Variants in KCNN2 observed in about 807,000 individuals in gnomAD.
The protein encoded by KCNN2 is potassium calcium-activated channel subfamily N member 2, also known as small conductance calcium-activated potassium channel protein 2.
A neutral mutation model predicts 55.5 loss-of-function variants in KCNN2; 24 were observed. The observed-to-expected ratio is 0.43, with a 90% CI of 0.31 to 0.61. The LOEUF (loss-of-function observed/expected upper bound fraction) is 0.61. Among genes scored for constraint, KCNN2 ranks in the 20% least tolerant of loss-of-function variants. KCNN2 has a pLI of 0.08. For synonymous variants in KCNN2, 431 were observed against 336.1 expected (o/e 1.28, Z -3.09); for missense variants, 754 against 853.6 (o/e 0.88, Z 1.45).
At chr5:114,323,649 A>ATATTTTTTTTTTTTTTTTTT (rs1756655960) in intron 2 of KCNN2, among the ~76,000 whole-genome samples, 5 of 85,318 alleles carry the variant, frequency 5.9e-5, no homozygotes, top group Non-Finnish European at 1.1e-4. Flanking sequence ...AAACATATCA[A>ATATTTTTTTTTTTTTTTTTT]TTTTTTTTTT....
chr5:114,390,913 G>A (rs563139096), intron 2 of KCNN2, among the ~76,000 whole-genome samples: 1 of 152,164 alleles, frequency 6.6e-6, no homozygotes, highest in African/African-American at 2.4e-5. Flanking sequence ...GTGCGGGCCT[G>A]GTGGTAAGAA....
chr5:114,347,516 T>A (rs1453687400), intron 2 of KCNN2, among the ~76,000 whole-genome samples: 1 of 152,108 alleles, frequency 6.6e-6, no homozygotes, highest in African/African-American at 2.4e-5. Context: ...GAAATATGAG[T>A]TCTTCATCAC....
At chr5:114,360,261 A>G (rs548535842), upstream of KCNN2, among the ~76,000 whole-genome samples, 19 of 152,194 alleles carry the variant, frequency 1.2e-4, no homozygotes, top group Admixed American at 5.2e-4. Flanking sequence ...AAAGAACATC[A>G]TAAAATGAAT....
At chr5:114,219,344 GTCTGGTA>G (rs1484418237) in intron 1 of KCNN2, among the ~76,000 whole-genome samples, 1 of 152,178 alleles carries the variant, frequency 6.6e-6, no homozygotes, top group Admixed American at 6.5e-5. Context: ...CCAAGCTCTT[GTCTGGTA>G]TCCAGGAAAA....
intron 2 of KCNN2, among the ~76,000 whole-genome samples, chr5:114,320,853 T>C (rs1204202970): frequency 6.6e-5 from 10 of 152,196 alleles, no homozygotes; most frequent in Non-Finnish European, 1.5e-4. Flanking sequence ...TTTTCAGTTC[T>C]TTTAACTGTC....
At chr5:114,195,313 A>T (rs1753531416) in intron 1 of KCNN2, among the ~76,000 whole-genome samples, 1 of 151,828 alleles carries the variant, frequency 6.6e-6, no homozygotes, top group Non-Finnish European at 1.5e-5. Context: ...TATTTTCTGA[A>T]CCATGGATGT....
chr5:114,475,844 C>CA (rs1761940457), intron 5 of KCNN2, among the ~76,000 whole-genome samples: 1 of 152,086 alleles, frequency 6.6e-6, no homozygotes, highest in Non-Finnish European at 1.5e-5. Flanking sequence ...CCCAAACTGA[C>CA]AAAGTTTTCT....
chr5:114,471,032 A>T (rs1761709814), intron 4 of KCNN2, among the ~76,000 whole-genome samples: 1 of 152,208 alleles, frequency 6.6e-6, no homozygotes, highest in Non-Finnish European at 1.5e-5. Context: ...GATTATTTTG[A>T]TAATCATATT....
chr5:114,113,188 G>T (rs1244742266), intron 1 of KCNN2, among the ~76,000 whole-genome samples: 1 of 151,996 alleles, frequency 6.6e-6, no homozygotes, highest in Non-Finnish European at 1.5e-5. Flanking sequence ...TGTCGAATGA[G>T]TCTGGAGTTC....
intron 2 of KCNN2, among the ~76,000 whole-genome samples, chr5:114,337,831 G>A (rs1434309930): frequency 1.3e-5 from 2 of 152,048 alleles, no homozygotes; most frequent in Non-Finnish European, 2.9e-5. Flanking sequence ...GTCTTTCTGG[G>A]ACAAATAATC....
intron 5 of KCNN2, among the ~76,000 whole-genome samples, chr5:114,479,435 A>C (rs1762122894): frequency 6.6e-6 from 1 of 152,208 alleles, no homozygotes; most frequent in South Asian, 2.1e-4. Flanking sequence ...ACCTACAAAG[A>C]GACATTGACT....
intron 2 of KCNN2, among the ~76,000 whole-genome samples, chr5:114,291,333 T>G (rs926659312): frequency 6.6e-6 from 1 of 152,084 alleles, no homozygotes; most frequent in Middle Eastern, 3.4e-3. Context: ...ATGCTATCCC[T>G]CCCCCCTCTC....
intron 3 of KCNN2, among the ~76,000 whole-genome samples, chr5:114,434,500 A>G (rs1759933506): frequency 6.6e-6 from 1 of 152,140 alleles, no homozygotes; most frequent in Admixed American, 6.5e-5. Context: ...CTGTCTTCAC[A>G]CTTTTTTATT....
chr5:114,253,109 A>G (rs1036368538), intron 2 of KCNN2, among the ~76,000 whole-genome samples: 19 of 140,790 alleles, frequency 1.3e-4, no homozygotes, highest in African/African-American at 5.0e-4. Flanking sequence ...CTCTTAGTAG[A>G]GGTTTCTTTT....
rs193063942 is a variant in KCNN2 at position 114,175,512 on chromosome 5, T to C, written c.-270-45968T>C. 1.6e-4 allele frequency among the ~76,000 whole-genome samples: 24 copies of C among 152,248 alleles called. No homozygotes were observed. In the East Asian group the frequency reaches 4.1e-3, roughly 26 times the overall value. On this transcript the variant is annotated intron_variant, in intron 1 of 10. Coordinates refer to the KCNN2 transcript ENST00000512097. ...TCACTTTGAAAGGATGAAACTTTTG[T>C]TGATATACTCAAAGAGAAAGGCCTG...
At chr5:114,289,998 G>T (rs545767588) in intron 2 of KCNN2, among the ~76,000 whole-genome samples, 166 of 152,158 alleles carry the variant, frequency 1.1e-3, no homozygotes, top group African/African-American at 3.8e-3. Flanking sequence ...CAACTGTACT[G>T]TGTTTTGCTC....
intron 2 of KCNN2, among the ~76,000 whole-genome samples, chr5:114,396,723 ATT>A: frequency 6.6e-6 from 1 of 151,704 alleles, no homozygotes; most frequent in Non-Finnish European, 1.5e-5. Flanking sequence ...TAATTTTTGT[ATT>A]TTTTAGAGAT....
chr5:114,142,553 C>G (rs1044091391), intron 1 of KCNN2, among the ~76,000 whole-genome samples: 2 of 152,160 alleles, frequency 1.3e-5, no homozygotes, highest in Non-Finnish European at 2.9e-5. Flanking sequence ...GCAAAGATCA[C>G]AGGCATTCTT....
At chr5:114,085,049 G>C (rs1750984360) in intron 1 of KCNN2, among the ~76,000 whole-genome samples, 1 of 76,136 alleles carries the variant, frequency 1.3e-5, no homozygotes, top group Non-Finnish European at 3.0e-5. Context: ...ATTATATATA[G>C]AGACATATAT....
Sources: allele counts gnomAD v4.1 joint callset (sites outside exome capture counted in the v4.1 genomes callset), GRCh38; gene constraint gnomAD v4.1.1; transcripts MANE v1.5; gene names NCBI Gene and HGNC (gene_info 2026-07-23, HGNC 2026-07-21).